The following EZR variants were observed in gnomAD, a reference collection of about 807,000 sequenced individuals.
EZR encodes the protein cytovillin 2.
EZR carries 40 observed loss-of-function variants against 74.8 expected under a neutral mutation model. The observed-to-expected ratio is 0.53, with a 90% CI of 0.42 to 0.70. The LOEUF (loss-of-function observed/expected upper bound fraction) is 0.70, where lower values mean the gene tolerates loss of function less well. Ranked by LOEUF, EZR falls within the 30% of genes least tolerant of loss-of-function variation. The probability of loss-of-function intolerance (pLI) is 0.00; values close to 1 mark genes in which losing one functional copy is unlikely to be tolerated. For missense variants in EZR, 678 were observed against 755.8 expected (o/e 0.90, Z 1.21); for synonymous variants, 341 against 283.3 (o/e 1.20, Z -2.05).
chr6:158,768,354 C>T (rs915884955), intron 12 of EZR, among the ~76,000 whole-genome samples: 16 of 151,402 alleles, frequency 1.1e-4, no homozygotes, highest in African/African-American at 3.6e-4. Context: ...AACCTCTTTT[C>T]TTTAACTACC....
rs1562486069 is a variant in EZR, at chr6:158,766,290, C to CTGTT, written c.*620_*623dup. The CTGTT allele has an allele frequency of 1.4e-5, 2 of 139,868 alleles. No homozygotes were observed. The highest frequency in any genetic ancestry group is 5.4e-5 in the African/African-American group (2 of 37,082). 8.7% of individuals were successfully genotyped at this position (139,868 alleles called of 1,614,324 possible). A position where few individuals can be genotyped will look rare whatever the true frequency, so the allele number is the denominator to read the frequency against. ...TGTATAAGTACAATGTATTCTAAAA[C>CTGTT]TGTTAAGCAAAAAAAAAAAAAACAA... On this transcript the variant is annotated 3_prime_UTR_variant, in exon 14 of 14. Transcript: ENST00000367075.
rs764623941 is a variant in EZR at position 158,818,106 on chromosome 6, G to T, written c.-13C>A. 1.5e-5 allele frequency: 24 copies of T among 1,608,150 alleles called. No individual in the cohort carries two copies. The highest frequency in any genetic ancestry group is 1.8e-5 in the Non-Finnish European group (21 of 1,176,018). ...CTGGTTTCGGCATTTTCGGTTTCTGGTGAGTATCCTCGATCCCCGAAAACA... is the reference window on the plus strand; with the variant it reads ...CTGGTTTCGGCATTTTCGGTTTCTGTTGAGTATCCTCGATCCCCGAAAACA... On this transcript the variant is annotated 5_prime_UTR_variant, in exon 2 of 14. Transcript: ENST00000367075.
At chr6:158,803,526 A>ATT (rs1562504134) in intron 2 of EZR, among the ~76,000 whole-genome samples, 10 of 40,940 alleles carry the variant, frequency 2.4e-4, no homozygotes, top group African/African-American at 5.5e-4. Flanking sequence ...ATTATGTAAC[A>ATT]TTATATATAT....
intron 2 of EZR, among the ~76,000 whole-genome samples, chr6:158,806,468 C>G (rs1269349569): frequency 1.4e-5 from 2 of 147,106 alleles, no homozygotes. Flanking sequence ...TTCTTCTACT[C>G]TACCACTTTC....
intron 1 of EZR, among the ~76,000 whole-genome samples, chr6:158,818,928 C>T (rs1777629196): frequency 6.6e-6 from 1 of 152,056 alleles, no homozygotes; most frequent in Non-Finnish European, 1.5e-5. Context: ...CCCGGGGCTG[C>T]CAGGAAGCCC....
chr6:158,788,438 G>C (rs140172535), intron 3 of EZR: 1 of 152,244 alleles, frequency 6.6e-6, no homozygotes, highest in Admixed American at 6.5e-5. Context: ...CTTGAGTTCA[G>C]GAGTTCGAGA....
rs765685742 is a variant in EZR at position 158,770,855 on chromosome 6, C to T, written c.999G>A (p.Val333=). The T allele has an allele frequency of 1.2e-6, 2 of 1,614,234 alleles. No individual in the cohort carries two copies. Among genetic ancestry groups the T allele is most frequent in the Non-Finnish European group, 1.7e-6 (2 of 1,180,040 alleles). The change falls in exon 10 of 14, where the codon GTG becomes GTA. Residue 333 remains valine (V), a synonymous_variant. Transcript: ENST00000367075. ...LETEKKRRET[V]EREKEQMMRE... ...GCATCATCTGCTCTTTCTCTCTCTC[C>T]ACGGTTTCTCTCCTTTTCTTCTCTG... is the stretch of plus-strand genomic sequence containing the variant.
intron 13 of EZR, 46 bp downstream of exon 13, chr6:158,767,215 C>CA (rs1311014699): frequency 6.3e-7 from 1 of 1,588,654 alleles, no homozygotes; most frequent in East Asian, 2.2e-5. Context: ...CTGTCTGCTC[C>CA]AAAAGCGAGG....
intron 7 of EZR, among the ~76,000 whole-genome samples, chr6:158,780,124 AGT>A (rs1791391042): frequency 6.6e-6 from 1 of 150,930 alleles, no homozygotes. Flanking sequence ...CAGAGGTTAC[AGT>A]GAGCTGAGAA....
chr6:158,802,091 T>C (rs1777198393), intron 2 of EZR, among the ~76,000 whole-genome samples: 1 of 152,078 alleles, frequency 6.6e-6, no homozygotes, highest in African/African-American at 2.4e-5. Context: ...TAGTGCCCTT[T>C]AGATTGAAAC....
intron 2 of EZR, among the ~76,000 whole-genome samples, chr6:158,793,443 C>A (rs1791793985): frequency 6.6e-6 from 1 of 152,078 alleles, no homozygotes; most frequent in African/African-American, 2.4e-5. Context: ...GCTCTACAAT[C>A]TGTATCTTTA....
intron 1 of EZR, among the ~76,000 whole-genome samples, chr6:158,818,973 T>C (rs534259312): frequency 3.0e-4 from 46 of 152,234 alleles, no homozygotes; most frequent in African/African-American, 1.1e-3. Context: ...TTTCACTTTG[T>C]GTAGCAACCG....
At chr6:158,784,099 C>T (rs1791501675) in intron 6 of EZR, among the ~76,000 whole-genome samples, 1 of 152,106 alleles carries the variant, frequency 6.6e-6, no homozygotes, top group African/African-American at 2.4e-5. Flanking sequence ...AGGCTCAAAC[C>T]TCAAACAAAC....
intron 8 of EZR, among the ~76,000 whole-genome samples, chr6:158,775,765 A>G (rs148138093): frequency 2.3e-3 from 347 of 152,376 alleles, no homozygotes; most frequent in African/African-American, 7.9e-3. Context: ...CTGAGTTAAC[A>G]AAAGTTTAAA....
intron 12 of EZR, among the ~76,000 whole-genome samples, chr6:158,768,073 TCTC>T (rs994597712): frequency 9.2e-5 from 14 of 151,806 alleles, no homozygotes; most frequent in Non-Finnish European, 1.9e-4. Context: ...CCCACCCAAA[TCTC>T]ATCTCCACCT....
In EZR at chr6:158,769,816, C is replaced by T. The variant is rs370037610; in HGVS notation, c.1219G>A (p.Ala407Thr). ...LRAKEELERQAVDQIKSQEQL... is the reference protein window; with the variant it reads ...LRAKEELERQTVDQIKSQEQL... ...TCCTGGCTCTTTATCTGATCCACCG[C>T]CTGTCTCTCCAGCTCCTCCTTAGCC... is the stretch of plus-strand genomic sequence containing the variant. Residue 407 changes from alanine (A) to threonine (T), a missense_variant, in exon 11 of 14, where the codon GCG (alanine) becomes ACG (threonine). Physicochemically the swap from Ala to Thr is moderately conservative, Grantham distance 58. Around this residue, in one of 3 missense-constraint regions of EZR, gnomAD observed 342 missense variants for 341.2 expected, o/e 1.00. Transcript: ENST00000367075. 5.0e-6 allele frequency: 8 copies of T among 1,613,928 alleles called. No homozygotes were observed. The highest frequency in any genetic ancestry group is 6.8e-6 in the Non-Finnish European group (8 of 1,180,048).
rs542118263 is a variant in EZR, at chr6:158,807,084, G to A, written c.12+10998C>T. The stretch of plus-strand genomic sequence containing the variant: ...TCCCAGCACTTTGGGAGGCTGAGGC[G>A]GGCGGATCATGAGGTCAGGAGATCA... On this transcript the variant is annotated intron_variant, in intron 2 of 13. Coordinates refer to ENST00000367075, the MANE Select transcript of EZR (RefSeq NM_001111077.2). 9.9e-5 allele frequency among the ~76,000 whole-genome samples: 15 copies of A among 152,176 alleles called. No individual in the cohort carries two copies. The East Asian group carries it at 2.1e-3, about 22-fold the overall frequency.
intron 2 of EZR, among the ~76,000 whole-genome samples, chr6:158,811,151 G>C (rs1022940260): frequency 1.1e-4 from 16 of 152,296 alleles, no homozygotes; most frequent in African/African-American, 3.9e-4. Flanking sequence ...AGGCATGGAT[G>C]GTAAATACAT....
Position 158,809,066 on chromosome 6 carries a change from G to A in EZR, c.12+9016C>T, listed in dbSNP as rs762472491. On this transcript the variant is annotated intron_variant, in intron 2 of 13. Coordinates refer to ENST00000367075, the MANE Select transcript of EZR (RefSeq NM_001111077.2). The stretch of plus-strand genomic sequence containing the variant: ...GAGCTATGATTGTACCACTGCACTC[G>A]TGCTTGAGCAACAGAGCAAGACCGC... Among the ~76,000 whole-genome samples the A allele has an allele frequency of 4.6e-5, 7 of 152,338 alleles. No homozygotes were observed. The South Asian group carries it at 8.3e-4, about 18-fold the overall frequency.
Sources: allele counts gnomAD v4.1 joint callset (sites outside exome capture counted in the v4.1 genomes callset), GRCh38; gene constraint gnomAD v4.1.1; regional missense constraint gnomAD v4.1.1; transcripts MANE v1.5; gene names NCBI Gene and HGNC (gene_info 2026-07-23, HGNC 2026-07-21).